The following ZNF521 variants were observed in gnomAD, a reference collection of about 807,000 sequenced individuals.
ZNF521 encodes the protein zinc finger protein 521, also known as LYST-interacting protein 3.
Under a neutral mutation model 105.5 loss-of-function variants are expected in ZNF521, and 14 were observed. That is an observed-to-expected ratio of 0.13 (90% CI 0.09 to 0.21). The LOEUF (loss-of-function observed/expected upper bound fraction) is 0.21, where lower values mean the gene tolerates loss of function less well. Among genes scored for constraint, ZNF521 ranks in the 10% least tolerant of loss-of-function variants. ZNF521 has a pLI of 1.00. For missense variants in ZNF521, 1,233 were observed against 1,629.7 expected (o/e 0.76, Z 4.19); for synonymous variants, 635 against 606.0 (o/e 1.05, Z -0.70).
chr18:25,089,051 T>C (rs2033688272), intron 7 of ZNF521, among the ~76,000 whole-genome samples: 1 of 152,138 alleles, frequency 6.6e-6, no homozygotes, highest in Non-Finnish European at 1.5e-5. Flanking sequence ...TTTCTTTTCT[T>C]CCCCTCTCCC....
At chr18:25,350,979 C>G in intron 1 of ZNF521, 32 bp from the exon 2 acceptor site, 1 of 1,540,174 alleles carries the variant, frequency 6.5e-7, no homozygotes, top group Non-Finnish European at 8.8e-7. Context: ...TGTTTCAATT[C>G]AGCCCTGAAA....
At chr18:25,088,717 T>C (rs918079590) in intron 7 of ZNF521, among the ~76,000 whole-genome samples, 1 of 122,572 alleles carries the variant, frequency 8.2e-6, no homozygotes, top group Non-Finnish European at 1.9e-5. Context: ...TCTAGGTCTC[T>C]GACTCATTTT....
chr18:25,239,674 C>A (rs1907171934), intron 3 of ZNF521, among the ~76,000 whole-genome samples: 3 of 152,178 alleles, frequency 2.0e-5, no homozygotes, highest in Non-Finnish European at 4.4e-5. Context: ...TCTAGAAATT[C>A]TTTGTTCTTT....
intron 3 of ZNF521, among the ~76,000 whole-genome samples, chr18:25,256,903 G>A (rs1431185024): frequency 6.6e-5 from 10 of 152,114 alleles, no homozygotes; most frequent in Admixed American, 6.6e-4. Context: ...TATTGAGCAT[G>A]CCATTGGACT....
chr18:25,116,930 T>C (rs994848065), intron 5 of ZNF521, among the ~76,000 whole-genome samples: 13 of 143,924 alleles, frequency 9.0e-5, no homozygotes, highest in Non-Finnish European at 1.6e-4. Context: ...TATGTATATA[T>C]ATACGTATAT....
At chr18:25,207,386 C>A (rs887244492) in intron 4 of ZNF521, among the ~76,000 whole-genome samples, 29 of 152,128 alleles carry the variant, frequency 1.9e-4, no homozygotes, top group African/African-American at 7.0e-4. Flanking sequence ...TGCAACTCAT[C>A]GGGGCTCCTC....
rs187576307 is a variant in ZNF521, at chr18:25,287,499, C to T, written c.220+34509G>A. 1.3e-3 allele frequency among the ~76,000 whole-genome samples: 195 copies of T among 151,876 alleles called. 2 individuals carry two copies. The highest frequency in any genetic ancestry group is 8.8e-5 in the Non-Finnish European group (6 of 67,976). ...AAGAGCAGCGAAATGTTATTGATCC[C>T]GGTGTGACAAATCAAGAGTTAGGTA... is the stretch of plus-strand genomic sequence containing the variant. On this transcript the variant is annotated intron_variant, in intron 3 of 7. Coordinates refer to ENST00000361524, the MANE Select transcript of ZNF521 (RefSeq NM_015461.3).
At chr18:25,249,682 G>A (rs919325477) in intron 3 of ZNF521, among the ~76,000 whole-genome samples, 5 of 151,682 alleles carry the variant, frequency 3.3e-5, no homozygotes, top group Non-Finnish European at 7.4e-5. Context: ...GGCTGATCTC[G>A]AACTCCTGAC....
chr18:25,202,925 A>G (rs984993969), intron 4 of ZNF521: 3 of 152,212 alleles, frequency 2.0e-5, no homozygotes, highest in Admixed American at 6.5e-5. Flanking sequence ...AAATGTATCA[A>G]TATTCTAATT....
chr18:25,153,619 T>C (rs2035088058), intron 5 of ZNF521, among the ~76,000 whole-genome samples: 1 of 152,340 alleles, frequency 6.6e-6, no homozygotes, highest in South Asian at 2.1e-4. Context: ...GAAACTGCAC[T>C]GCGGATGTCT....
Position 25,225,323 on chromosome 18 carries a change from G to C in ZNF521, c.2595C>G (p.Ser865Arg). Residue 865 changes from serine to arginine, a missense_variant, in exon 4 of 8, where the codon AGC becomes AGG. Around this residue, in one of 6 missense-constraint regions of ZNF521, gnomAD observed 614 missense variants for 751.5 expected, o/e 0.82. Coordinates refer to ENST00000361524, the MANE Select transcript of ZNF521 (RefSeq NM_015461.3). The surrounding 1 kb of genome is among the most constrained non-coding windows in gnomAD (Gnocchi z 5.6). ...CATCGTGACTGTTGTGGGACTCCTG[G>C]CTGTTGGTCAGCAAAGTCTGCAGCT... ...EVELQTLLTN[S>R]QESHNSHDGS... is the part of the protein sequence containing the mutation. 6 of 1,614,140 alleles carry C rather than the reference G, an allele frequency of 3.7e-6. No individual in the cohort carries two copies. Among genetic ancestry groups the C allele is most frequent in the Non-Finnish European group, 5.1e-6 (6 of 1,180,020 alleles).
intron 5 of ZNF521, among the ~76,000 whole-genome samples, chr18:25,138,862 C>A (rs1464948575): frequency 1.3e-5 from 2 of 152,090 alleles, no homozygotes; most frequent in African/African-American, 4.8e-5. Context: ...TGTGCTCTAC[C>A]CACGAACACT....
intron 2 of ZNF521, among the ~76,000 whole-genome samples, chr18:25,328,832 G>A (rs550424911): frequency 1.1e-4 from 17 of 152,302 alleles, no homozygotes; most frequent in Admixed American, 2.0e-4. Context: ...GATTACAGGC[G>A]TGAGCCATCG....
intron 3 of ZNF521, chr18:25,273,458 T>C (rs1008397425): frequency 6.6e-6 from 1 of 152,138 alleles, no homozygotes; most frequent in Middle Eastern, 3.4e-3. Context: ...ATATGGTTGT[T>C]TGAGAAGGAA....
chr18:25,224,365 T>C lies in ZNF521; in HGVS notation c.3553A>G (p.Ser1185Gly), dbSNP rs1262007218. The C allele has an allele frequency of 6.2e-7, 1 of 1,612,406 alleles. No individual in the cohort carries two copies. Among genetic ancestry groups the C allele is most frequent in the Non-Finnish European group, 8.5e-7 (1 of 1,178,816 alleles). Residue 1185 changes from serine to glycine, a missense_variant, in exon 4 of 8, where the codon AGT (serine) becomes GGT (glycine). Ser to Gly is a moderately conservative substitution (Grantham distance 56). This residue lies in a region of ZNF521 where 614 missense variants were observed against 751.5 expected (regional missense o/e 0.82). Transcript: ENST00000361524. ...TPQVSPMPRI[S>G]PSQSDEKKTY... ...GTTACCTCATCCGACTGGGAGGGAC[T>C]GATTCTGGGCATTGGTGATACTTGG... is the stretch of plus-strand genomic sequence containing the variant.
At chr18:25,162,430 T>C (rs2035267446) in intron 5 of ZNF521, among the ~76,000 whole-genome samples, 1 of 152,220 alleles carries the variant, frequency 6.6e-6, no homozygotes, top group African/African-American at 2.4e-5. Context: ...TTTCAGTGTT[T>C]CTAAATAACT....
chr18:25,102,201 C>T (rs1001029020), intron 5 of ZNF521, among the ~76,000 whole-genome samples: 12 of 152,038 alleles, frequency 7.9e-5, no homozygotes, highest in Middle Eastern at 3.2e-3. Flanking sequence ...ATGGGACACA[C>T]GACTGGGAAG....
chr18:25,241,995 T>C lies in ZNF521; in HGVS notation c.221-14298A>G, dbSNP rs553938633. Among the ~76,000 whole-genome samples the C allele has an allele frequency of 3.3e-5, 5 of 152,356 alleles. No individual in the cohort carries two copies. The South Asian group carries it at 1.0e-3, about 32-fold the overall frequency. On this transcript the variant is annotated intron_variant, in intron 3 of 7. Transcript: ENST00000361524. ...AAAATTTTCAATGTTTAATGTACAC[T>C]GCAGTTAAACTACTTTTTCTGTACA...
chr18:25,226,432 T>C lies in ZNF521; in HGVS notation c.1486A>G (p.Ile496Val). 1 of 1,614,184 alleles carries C rather than the reference T, an allele frequency of 6.2e-7. No homozygotes were observed. The highest frequency in any genetic ancestry group is 8.5e-7 in the Non-Finnish European group (1 of 1,180,030). Reference sequence around the variant, plus strand: ...TTTGCAAATCCATGAGAACATCGGATGTGTTCCTGAAGAGTGTTGAGGTCG... The same window carrying C: ...TTTGCAAATCCATGAGAACATCGGACGTGTTCCTGAAGAGTGTTGAGGTCG... ...VNDLNTLQEH[I>V]RCSHGFANPA... The change falls in exon 4 of 8, where the codon ATC becomes GTC. Residue 496 changes from isoleucine (I) to valine (V), a missense_variant. Physicochemically the swap from Ile to Val is conservative, Grantham distance 29. Coordinates refer to ENST00000361524, the MANE Select transcript of ZNF521 (RefSeq NM_015461.3). This position sits in a 1 kb window ranked among gnomAD's most constrained non-coding sequence, Gnocchi z 4.1.
Sources: gnomAD v4.1 joint callset for allele counts (sites outside exome capture counted in the v4.1 genomes callset) on GRCh38, gnomAD v4.1.1 for gene constraint, gnomAD v4.1.1 regional missense constraint, Gnocchi (gnomAD v3.1) non-coding constraint, MANE v1.5 for transcripts, NCBI Gene and HGNC (gene_info 2026-07-23, HGNC 2026-07-21) for gene names.